CDC14A: variants seen among roughly 807,000 people sequenced by gnomAD.
The protein encoded by CDC14A is dual specificity protein phosphatase CDC14A.
Under a neutral mutation model 74.4 loss-of-function variants are expected in CDC14A, and 53 were observed. The ratio of observed to expected loss-of-function variants is 0.71; its 90% CI spans 0.57 to 0.89. CDC14A has a LOEUF of 0.89. CDC14A is among the 40% of genes least tolerant of loss of function. The pLI is 0.00. For missense variants in CDC14A, 646 were observed against 713.7 expected, an observed-to-expected ratio of 0.91 and a Z score of 1.08; for synonymous variants, 247 against 258.4, an observed-to-expected ratio of 0.96 and a Z score of 0.43.
At chr1:100,346,955 C>T (rs985701791) in intron 1 of CDC14A, among the ~76,000 whole-genome samples, 13 of 152,104 alleles carry the variant, frequency 8.5e-5, no homozygotes, top group African/African-American at 3.1e-4. Flanking sequence ...GGGTTAGAAA[C>T]AATTGAAATT....
rs574082191 is a variant in CDC14A, at chr1:100,452,337, C to G, written c.520-3068C>G. Among the ~76,000 whole-genome samples the G allele has an allele frequency of 2.4e-3, 365 of 152,098 alleles. 1 individual carries two copies. Among genetic ancestry groups the G allele is most frequent in the Non-Finnish European group, 4.6e-3 (314 of 68,002 alleles). On this transcript the variant is annotated intron_variant, in intron 7 of 15. Transcript: ENST00000336454. ...CCAGCCTGGCCAACATGGTGAAACC[C>G]GGTCTCTACTAAAAATACAAAAAAA...
chr1:100,429,879 G>GT (rs1479042027), intron 5 of CDC14A, among the ~76,000 whole-genome samples: 16 of 151,834 alleles, frequency 1.1e-4, no homozygotes, highest in African/African-American at 3.9e-4. Context: ...GAAGTAACCT[G>GT]TTTAGCTCTG....
chr1:100,476,186 C>T (rs879694082), intron 10 of CDC14A, among the ~76,000 whole-genome samples: 1 of 152,214 alleles, frequency 6.6e-6, no homozygotes, highest in African/African-American at 2.4e-5. Context: ...GGCACGGTGG[C>T]TCATGCCTAT....
chr1:100,514,375 G>A (rs1650028773), intron 15 of CDC14A, among the ~76,000 whole-genome samples: 1 of 151,984 alleles, frequency 6.6e-6, no homozygotes, highest in Non-Finnish European at 1.5e-5. Flanking sequence ...TTTGAATTCA[G>A]GCCTGATGAA....
chr1:100,370,310 T>G (rs1654288208), intron 2 of CDC14A, among the ~76,000 whole-genome samples: 1 of 151,308 alleles, frequency 6.6e-6, no homozygotes, highest in Admixed American at 6.6e-5. Context: ...TTTGTAGAGA[T>G]GGAGTCTCCC....
intron 5 of CDC14A, among the ~76,000 whole-genome samples, chr1:100,439,430 A>G (rs777256116): frequency 3.9e-5 from 6 of 152,230 alleles, no homozygotes; most frequent in Non-Finnish European, 8.8e-5. Flanking sequence ...ACCTCTTGCA[A>G]TGATGAATGT....
At chr1:100,399,810 G>A (rs968117870) in intron 4 of CDC14A, among the ~76,000 whole-genome samples, 3 of 151,374 alleles carry the variant, frequency 2.0e-5, no homozygotes, top group Non-Finnish European at 2.9e-5. Context: ...TGAGGTTGCA[G>A]TGAGCTGTGA....
At chr1:100,409,333 C>T (rs995173822) in intron 4 of CDC14A, among the ~76,000 whole-genome samples, 6 of 152,176 alleles carry the variant, frequency 3.9e-5, no homozygotes, top group Non-Finnish European at 7.3e-5. Flanking sequence ...CACAGCCAAA[C>T]CATATCATTC....
intron 5 of CDC14A, among the ~76,000 whole-genome samples, chr1:100,426,912 T>C (rs1033597444): frequency 6.6e-6 from 1 of 152,252 alleles, no homozygotes; most frequent in African/African-American, 2.4e-5. Context: ...CACAAAGTAG[T>C]ACATTTATAA....
rs573832401 is a variant in CDC14A, at chr1:100,516,075, C to G, written c.1756-2176C>G. ...GGCTTGTGGTGAGCTGTATCTGAGC[C>G]TAGATTAAACACCAGCCAGAGTTTT... On this transcript the variant is annotated intron_variant, in intron 15 of 15. Coordinates refer to ENST00000336454, the MANE Select transcript of CDC14A (RefSeq NM_003672.4). 2.6e-5 allele frequency among the ~76,000 whole-genome samples: 4 copies of G among 152,238 alleles called. No homozygotes were observed. The South Asian group carries it at 6.2e-4, about 24-fold the overall frequency.
chr1:100,430,183 T>C (rs749587610), intron 5 of CDC14A, among the ~76,000 whole-genome samples: 9 of 152,234 alleles, frequency 5.9e-5, no homozygotes, highest in Non-Finnish European at 1.3e-4. Context: ...TGCTAGCATT[T>C]TGTGGAACAT....
intron 4 of CDC14A, among the ~76,000 whole-genome samples, chr1:100,397,340 C>A (rs1298035122): frequency 6.6e-6 from 1 of 152,152 alleles, no homozygotes; most frequent in East Asian, 1.9e-4. Context: ...TAAGAAGAGA[C>A]CAGCTTTGTC....
chr1:100,447,239 C>T lies in CDC14A; in HGVS notation c.519+4243C>T, dbSNP rs151304615. Among the ~76,000 whole-genome samples the T allele has an allele frequency of 1.1e-3, 161 of 152,342 alleles. 1 individual carries two copies. In the East Asian group the frequency reaches 0.025, roughly 23 times the overall value. ...TTAGAAAGCTCGAGGTGAGATACCTCAGGCTCTTGCTTTATTTTCATGTGA... is the reference window on the plus strand; with the variant it reads ...TTAGAAAGCTCGAGGTGAGATACCTTAGGCTCTTGCTTTATTTTCATGTGA... On this transcript the variant is annotated intron_variant, in intron 7 of 15. Transcript: ENST00000336454.
intron 2 of CDC14A, among the ~76,000 whole-genome samples, chr1:100,368,932 T>C (rs1334620800): frequency 6.6e-6 from 1 of 152,226 alleles, no homozygotes; most frequent in African/African-American, 2.4e-5. Context: ...ATTTATTTTC[T>C]TTTGGATATA....
Position 100,503,046 on chromosome 1 carries a change from C to G in CDC14A, c.1755+3784C>G, listed in dbSNP as rs187052935. On this transcript the variant is annotated intron_variant, in intron 15 of 15. Coordinates refer to ENST00000336454, the MANE Select transcript of CDC14A (RefSeq NM_003672.4). ...CAGGTCTTTGTAGCAGACCTTCCCCCCTTTAACTTTGCTTAGAAAACCTCC... is the reference window on the plus strand; with the variant it reads ...CAGGTCTTTGTAGCAGACCTTCCCCGCTTTAACTTTGCTTAGAAAACCTCC... 1.1e-3 allele frequency among the ~76,000 whole-genome samples: 167 copies of G among 152,316 alleles called. 1 individual carries two copies. Among genetic ancestry groups the G allele is most frequent in the Non-Finnish European group, 1.8e-3 (125 of 68,030 alleles).
chr1:100,412,767 A>ATATATATATATATT (rs1553179032), intron 4 of CDC14A, among the ~76,000 whole-genome samples: 5 of 88,432 alleles, frequency 5.7e-5, no homozygotes, highest in African/African-American at 2.8e-4. Context: ...ATATATATAT[A>ATATATATATATATT]TTATATATAT....
At chr1:100,393,693 C>T (rs944250871) in intron 4 of CDC14A, 12 of 427,948 alleles carry the variant, frequency 2.8e-5, no homozygotes, top group Non-Finnish European at 4.0e-5. Context: ...CGGTGGCACA[C>T]GACTGTAATC....
At chr1:100,485,427 G>A (rs1342758075) in intron 11 of CDC14A, 7 of 510,582 alleles carry the variant, frequency 1.4e-5, no homozygotes, top group Non-Finnish European at 1.8e-5. Flanking sequence ...GCTAGGCAGC[G>A]TGATGTGTGC....
intron 4 of CDC14A, among the ~76,000 whole-genome samples, chr1:100,416,103 T>C (rs1661500048): frequency 6.6e-6 from 1 of 152,226 alleles, no homozygotes; most frequent in Non-Finnish European, 1.5e-5. Flanking sequence ...GAAGAGACTT[T>C]AAAAGTTTTA....
Sources: gnomAD v4.1 joint callset for allele counts (sites outside exome capture counted in the v4.1 genomes callset) on GRCh38, gnomAD v4.1.1 for gene constraint, MANE v1.5 for transcripts, NCBI Gene and HGNC (gene_info 2026-07-23, HGNC 2026-07-21) for gene names.